SPDYE17: variants seen among roughly 807,000 people sequenced by gnomAD.
SPDYE17 encodes the protein speedy/RINGO cell cycle regulator family member E17.
For missense variants in SPDYE17, 7 were observed against 38.0 expected, an observed-to-expected ratio of 0.18 and a Z score of 2.15; for synonymous variants, 4 against 14.8, an observed-to-expected ratio of 0.27 and a Z score of 1.68.
At position 77,025,884 on chromosome 7, in the gene SPDYE17, T is replaced by C. The variant is rs1275169898; in HGVS notation, c.495-773A>G. 5.6e-5 allele frequency among the ~76,000 whole-genome samples: 8 copies of C among 143,634 alleles called. 1 individual carries two copies. The highest frequency in any genetic ancestry group is 2.1e-4 in the African/African-American group (8 of 38,676). 94.2% of individuals were successfully genotyped at this position (143,634 alleles called of 152,430 possible). ...ATATGGAGGCTGCAGTGAGCTATGA[T>C]CTCACCACTGCACTCCAGCTTAGGG... On this transcript the variant is annotated intron_variant, in intron 5 of 7. Coordinates refer to ENST00000671986, the MANE Select transcript of SPDYE17 (RefSeq NM_001351351.3).
chr7:77,029,729 CAG>C (rs1256758718), intron 2 of SPDYE17, among the ~76,000 whole-genome samples: 2 of 77,188 alleles, frequency 2.6e-5, no homozygotes, highest in African/African-American at 5.6e-5. Context: ...TGTTTCGAGA[CAG>C]AATCTTGCTT....
intron 4 of SPDYE17, among the ~76,000 whole-genome samples, chr7:77,027,868 T>C (rs1789458030): frequency 7.6e-6 from 1 of 131,316 alleles, no homozygotes; most frequent in Non-Finnish European, 1.6e-5. Flanking sequence ...TGGTGGTTCA[T>C]GTTTGTAATC....
In SPDYE17 at chr7:77,022,802, A is replaced by G. The variant is rs1402468647; in HGVS notation, c.*1031T>C. ...AATATTTAAAATAATATTTAAAGTA[A>G]TAATAATATTTAAATAAATAAATAT... On this transcript the variant is annotated 3_prime_UTR_variant, in exon 8 of 8. Transcript: ENST00000671986. 8.2e-6 allele frequency among the ~76,000 whole-genome samples: 1 copy of G among 121,714 alleles called. No homozygotes were observed. The highest frequency in any genetic ancestry group is 2.8e-5 in the African/African-American group (1 of 36,102). 79.8% of individuals were successfully genotyped at this position (121,714 alleles called of 152,430 possible).
chr7:77,028,022 A>C, intron 4 of SPDYE17, 120 bp downstream of exon 4: 1 of 723,068 alleles, frequency 1.4e-6, no homozygotes, highest in Non-Finnish European at 2.0e-6. Flanking sequence ...CAAAAACAAA[A>C]AAAAACTGTA....
At chr7:77,025,871 C>A (rs1368748807) in intron 5 of SPDYE17, 1 of 145,624 alleles carries the variant, frequency 6.9e-6, no homozygotes, top group Non-Finnish European at 1.5e-5. Flanking sequence ...ATGGAGGCTG[C>A]AGTGAGCTAT....
At chr7:77,029,910 T>C (rs1789483571) in intron 2 of SPDYE17, among the ~76,000 whole-genome samples, 1 of 124,978 alleles carries the variant, frequency 8.0e-6, no homozygotes, top group Admixed American at 1.0e-4. Context: ...TTTCACCATG[T>C]TGGCCAGGCT....
chr7:77,026,471 G>C (rs1789434253), intron 5 of SPDYE17, among the ~76,000 whole-genome samples: 1 of 149,384 alleles, frequency 6.7e-6, no homozygotes, highest in South Asian at 2.1e-4. Flanking sequence ...CAGTGGATTC[G>C]AGTGATGCAA....
chr7:77,032,183 C>T (rs1189535734), intron 1 of SPDYE17, among the ~76,000 whole-genome samples, 57 bp downstream of exon 1: 1 of 94,494 alleles, frequency 1.1e-5, no homozygotes, highest in Non-Finnish European at 2.0e-5. Flanking sequence ...GCACTCCAGC[C>T]TGGGCAACAA....
chr7:77,026,571 C>T (rs1009639271), intron 5 of SPDYE17, among the ~76,000 whole-genome samples: 1 of 149,762 alleles, frequency 6.7e-6, no homozygotes, highest in African/African-American at 2.4e-5. Context: ...GAGAGAACAA[C>T]CGGAAACGTC....
In SPDYE17 at chr7:77,027,581, G is replaced by A. The variant is rs187856204; in HGVS notation, c.408+561C>T. ...AGTCCCAGCTCCTCAGGAGGCTAAG[G>A]AAAGAAGATTGCTTGAGCCCAGGAA... On this transcript the variant is annotated intron_variant, in intron 4 of 7. Coordinates refer to ENST00000671986, the MANE Select transcript of SPDYE17 (RefSeq NM_001351351.3). 2.2e-3 allele frequency among the ~76,000 whole-genome samples: 127 copies of A among 56,836 alleles called. 49 individuals are homozygous for A. The highest frequency in any genetic ancestry group is 0.012 in the Admixed American group (63 of 5,194). 37.3% of individuals were successfully genotyped at this position (56,836 alleles called of 152,430 possible). A position where few individuals can be genotyped will look rare whatever the true frequency, so the allele number is the denominator to read the frequency against.
chr7:77,029,698 CTTTTTTTTT>C (rs1166509214), intron 2 of SPDYE17, among the ~76,000 whole-genome samples: 2 of 41,602 alleles, frequency 4.8e-5, no homozygotes, highest in African/African-American at 3.3e-4. Flanking sequence ...CTGAGTCCCT[CTTTTTTTTT>C]TTTTTTTTTT....
At chr7:77,025,734 A>G (rs1355095943) in intron 5 of SPDYE17, 5 of 110,876 alleles carry the variant, frequency 4.5e-5, no homozygotes, top group Non-Finnish European at 8.4e-5. Flanking sequence ...ACACAGCAAC[A>G]CTCTTGTCTT....
rs1395445846 is a variant in SPDYE17 at position 77,022,823 on chromosome 7, A to T, written c.*1010T>A. On this transcript the variant is annotated 3_prime_UTR_variant, in exon 8 of 8. Coordinates refer to ENST00000671986, the MANE Select transcript of SPDYE17 (RefSeq NM_001351351.3). Reference sequence around the variant, plus strand: ...AGTAATAATAATATTTAAATAAATAAATATATTTAATAAATATTTCAATAA... The same window carrying T: ...AGTAATAATAATATTTAAATAAATATATATATTTAATAAATATTTCAATAA... 8.3e-6 allele frequency among the ~76,000 whole-genome samples: 1 copy of T among 120,486 alleles called. No homozygotes were observed. The highest frequency in any genetic ancestry group is 1.8e-5 in the Non-Finnish European group (1 of 54,138). 79.0% of individuals were successfully genotyped at this position (120,486 alleles called of 152,430 possible).
At position 77,023,648 on chromosome 7, in the gene SPDYE17, T is replaced by G; in HGVS notation, c.*185A>C. On this transcript the variant is annotated 3_prime_UTR_variant, in exon 8 of 8. Coordinates refer to ENST00000671986, the MANE Select transcript of SPDYE17 (RefSeq NM_001351351.3). The stretch of plus-strand genomic sequence containing the variant: ...GCTCCTTGGAGGACAACGTGATCAC[T>G]GTATTCAGCTCCATCAAGAATGGTC... The G allele has an allele frequency of 1.7e-6, 1 of 585,426 alleles. No homozygotes were observed. The highest frequency in any genetic ancestry group is 2.1e-6 in the Non-Finnish European group (1 of 473,804). The allele number at this position is 585,426 out of a possible 1,614,324, so 36.3% of individuals were successfully genotyped here.
intron 5 of SPDYE17, among the ~76,000 whole-genome samples, chr7:77,026,591 G>T (rs1177972324): frequency 6.7e-6 from 1 of 149,130 alleles, no homozygotes; most frequent in Non-Finnish European, 1.5e-5. Flanking sequence ...CTGCTTGCTG[G>T]GGGAAGTGTC....
At chr7:77,030,085 T>C (rs1292999972) in intron 2 of SPDYE17, among the ~76,000 whole-genome samples, 4 of 76,074 alleles carry the variant, frequency 5.3e-5, no homozygotes, top group African/African-American at 2.8e-4. Context: ...TTCTTCTTTT[T>C]TTTTTTTTTT....
At position 77,022,629 on chromosome 7, in the gene SPDYE17, C is replaced by A. The variant is rs1789385321; in HGVS notation, c.*1204G>T. 9.7e-6 allele frequency among the ~76,000 whole-genome samples: 1 copy of A among 103,612 alleles called. No homozygotes were observed. The highest frequency in any genetic ancestry group is 3.1e-5 in the African/African-American group (1 of 32,106). The allele number at this position is 103,612 out of a possible 152,430, so 68.0% of individuals were successfully genotyped here. ...TCAGCAGCACGTGTAATAATAGATA[C>A]AAAGATTGAAAGGTAAAAGATTTAG... On this transcript the variant is annotated 3_prime_UTR_variant, in exon 8 of 8. Coordinates refer to ENST00000671986, the MANE Select transcript of SPDYE17 (RefSeq NM_001351351.3).
In SPDYE17 at chr7:77,031,816, C is replaced by T. The variant is rs1407681768; in HGVS notation, c.-454+424G>A. Among the ~76,000 whole-genome samples, 43 of 41,804 alleles carry T rather than the reference C, an allele frequency of 1.0e-3. 15 individuals are homozygous for T. Among genetic ancestry groups the T allele is most frequent in the African/African-American group, 7.8e-3 (39 of 4,970 alleles). The allele number at this position is 41,804 out of a possible 152,430, so 27.4% of individuals were successfully genotyped here. A position where few individuals can be genotyped will look rare whatever the true frequency, so the allele number is the denominator to read the frequency against. On this transcript the variant is annotated intron_variant, in intron 1 of 7. Coordinates refer to ENST00000671986, the MANE Select transcript of SPDYE17 (RefSeq NM_001351351.3). ...CTGCAGTGAGCTGTGATCGTGACAC[C>T]GCACTCCAGTCTGGGCAACACAGCA... is the stretch of plus-strand genomic sequence containing the variant.
In SPDYE17 at chr7:77,032,209, T is replaced by C. The variant is rs1327378492; in HGVS notation, c.-454+31A>G. Among the ~76,000 whole-genome samples the C allele has an allele frequency of 3.9e-5, 3 of 77,886 alleles. 1 individual carries two copies. Among genetic ancestry groups the C allele is most frequent in the Non-Finnish European group, 7.1e-5 (3 of 42,504 alleles). The allele number at this position is 77,886 out of a possible 152,430, so 51.1% of individuals were successfully genotyped here. On this transcript the variant is annotated intron_variant, in intron 1 of 7. Transcript: ENST00000671986. Reference sequence around the variant, plus strand: ...TGGGCAACAAGAGCAAAACTACATCTCAAAAAAAAAAAAAAACAAACAAAA... The same window carrying C: ...TGGGCAACAAGAGCAAAACTACATCCCAAAAAAAAAAAAAAACAAACAAAA...
Sources: gnomAD v4.1 joint callset for allele counts (sites outside exome capture counted in the v4.1 genomes callset) on GRCh38, gnomAD v4.1.1 for gene constraint, MANE v1.5 for transcripts, NCBI Gene and HGNC (gene_info 2026-07-23, HGNC 2026-07-21) for gene names.